FTO: variants seen among roughly 807,000 people sequenced by gnomAD.
The protein encoded by FTO is alpha-ketoglutarate-dependent dioxygenase FTO.
A neutral mutation model predicts 63.9 loss-of-function variants in FTO; 47 were observed. That is an observed-to-expected ratio of 0.74 (90% confidence interval 0.58 to 0.94). The LOEUF is 0.94. Ranked by LOEUF, FTO falls within the 40% of genes least tolerant of loss-of-function variation. The probability of loss-of-function intolerance (pLI) is 0.00; values close to 1 mark genes in which losing one functional copy is unlikely to be tolerated. For missense variants in FTO, 562 were observed against 618.1 expected, an observed-to-expected ratio of 0.91 and a Z score of 0.96; for synonymous variants, 207 against 224.4, an observed-to-expected ratio of 0.92 and a Z score of 0.69.
At chr16:53,712,241 A>G (rs1311378317) in intron 1 of FTO, among the ~76,000 whole-genome samples, 9 of 152,164 alleles carry the variant, frequency 5.9e-5, no homozygotes, top group Admixed American at 5.9e-4. Context: ...ATTATGGGCC[A>G]TTCTAGATTA....
chr16:53,761,880 T>C (rs2077080892), intron 1 of FTO, among the ~76,000 whole-genome samples: 1 of 152,218 alleles, frequency 6.6e-6, no homozygotes, highest in Non-Finnish European at 1.5e-5. Flanking sequence ...CTCAAATTTG[T>C]ATTACTTTAT....
chr16:53,866,311 A>G (rs887797491), intron 4 of FTO, among the ~76,000 whole-genome samples: 1 of 151,922 alleles, frequency 6.6e-6, no homozygotes, highest in African/African-American at 2.4e-5. Flanking sequence ...TTTGATGTGG[A>G]TTTTTGCATC....
intron 7 of FTO, among the ~76,000 whole-genome samples, chr16:53,920,751 G>T (rs7194336): frequency 0.56 from 85,382 of 151,846 alleles, 24,808 homozygotes; most frequent in East Asian, 0.85. Context: ...ATTGCTGGAT[G>T]AAGTGAGATA....
chr16:53,953,670 T>C (rs1210997236), intron 8 of FTO, among the ~76,000 whole-genome samples: 1 of 152,146 alleles, frequency 6.6e-6, no homozygotes, highest in Non-Finnish European at 1.5e-5. Flanking sequence ...AAAGCAATAA[T>C]ATAAACACGT....
At chr16:54,108,735 C>G (rs915665150) in intron 8 of FTO, among the ~76,000 whole-genome samples, 1 of 152,142 alleles carries the variant, frequency 6.6e-6, no homozygotes, top group Non-Finnish European at 1.5e-5. Flanking sequence ...CACATCAACC[C>G]CATAAGTAAG....
intron 5 of FTO, among the ~76,000 whole-genome samples, chr16:53,877,868 T>G (rs1331357529): frequency 6.6e-6 from 1 of 152,210 alleles, no homozygotes; most frequent in Non-Finnish European, 1.5e-5. Context: ...GTCATTAAAC[T>G]AGTTTTCCTA....
At chr16:53,979,948 T>C (rs537103688) in intron 8 of FTO, among the ~76,000 whole-genome samples, 1 of 152,304 alleles carries the variant, frequency 6.6e-6, no homozygotes, top group African/African-American at 2.4e-5. Flanking sequence ...CCAAAGCACA[T>C]TGGCTTATTC....
intron 8 of FTO, among the ~76,000 whole-genome samples, chr16:54,082,123 G>A (rs2086162452): frequency 6.6e-6 from 1 of 152,150 alleles, no homozygotes; most frequent in Admixed American, 6.5e-5. Flanking sequence ...TCATGAAGAT[G>A]TTATGAGGAC....
At chr16:53,731,140 G>C (rs1454776378) in intron 1 of FTO, among the ~76,000 whole-genome samples, 2 of 152,166 alleles carry the variant, frequency 1.3e-5, no homozygotes, top group African/African-American at 4.8e-5. Flanking sequence ...ATGTGAATTT[G>C]GGATCTAACT....
chr16:53,786,112 G>A (rs1377388617), intron 1 of FTO, among the ~76,000 whole-genome samples: 1 of 152,130 alleles, frequency 6.6e-6, no homozygotes, highest in Non-Finnish European at 1.5e-5. Context: ...GAGGCTGTTG[G>A]AGTGTGTTAG....
In FTO at chr16:53,806,908, G is replaced by A. The variant is rs531956585; in HGVS notation, c.46-3232G>A. On this transcript the variant is annotated intron_variant, in intron 1 of 8. Coordinates refer to ENST00000471389, the MANE Select transcript of FTO (RefSeq NM_001080432.3). ...CCCTCTCTAAGTATGGTTTTGTTTTGCCCTCCTGACAGCAGAGAATGAAAG... is the reference window on the plus strand; with the variant it reads ...CCCTCTCTAAGTATGGTTTTGTTTTACCCTCCTGACAGCAGAGAATGAAAG... Among the ~76,000 whole-genome samples the A allele has an allele frequency of 7.9e-5, 12 of 152,204 alleles. No individual in the cohort carries two copies. In the East Asian group the frequency reaches 2.1e-3, roughly 27 times the overall value.
At chr16:53,827,998 T>C (rs1308133756) in intron 3 of FTO, among the ~76,000 whole-genome samples, 2 of 152,234 alleles carry the variant, frequency 1.3e-5, no homozygotes, top group Non-Finnish European at 2.9e-5. Flanking sequence ...ATAGTCCTAT[T>C]GTACTCCCTT....
At chr16:53,822,394 A>T (rs1304036249) in intron 2 of FTO, among the ~76,000 whole-genome samples, 1 of 152,230 alleles carries the variant, frequency 6.6e-6, no homozygotes, top group African/African-American at 2.4e-5. Flanking sequence ...TTATCAGTAG[A>T]TAAGCACATA....
chr16:53,889,133 G>A (rs542316278), intron 7 of FTO, among the ~76,000 whole-genome samples, 182 bp downstream of exon 7: 2 of 152,320 alleles, frequency 1.3e-5, no homozygotes, highest in South Asian at 4.1e-4. Flanking sequence ...AGTTCAATAA[G>A]CATTTATTGA....
intron 7 of FTO, among the ~76,000 whole-genome samples, chr16:53,891,834 C>T (rs2081157527): frequency 6.6e-6 from 1 of 152,100 alleles, no homozygotes; most frequent in South Asian, 2.1e-4. Flanking sequence ...TTTTGTCGCT[C>T]TTGTATAAAA....
At chr16:53,942,277 T>C (rs2082548450) in intron 8 of FTO, among the ~76,000 whole-genome samples, 1 of 152,170 alleles carries the variant, frequency 6.6e-6, no homozygotes, top group African/African-American at 2.4e-5. Flanking sequence ...CCCAACATGG[T>C]ACCACAGGCC....
rs188763203 is a variant in FTO, at chr16:53,846,170, T to C, written c.895+1872T>C. On this transcript the variant is annotated intron_variant, in intron 4 of 8. Coordinates refer to ENST00000471389, the MANE Select transcript of FTO (RefSeq NM_001080432.3). ...TTTTCCTACTCTAAATGGGGCTATT[T>C]CAACCTGATCCCAATATACTGAAAT... 9.1e-3 allele frequency among the ~76,000 whole-genome samples: 1,387 copies of C among 152,190 alleles called. 17 individuals carry two copies. The highest frequency in any genetic ancestry group is 0.017 in the Non-Finnish European group (1,150 of 68,016).
intron 7 of FTO, chr16:53,911,196 A>G (rs1429963036): frequency 1.7e-6 from 1 of 578,782 alleles, no homozygotes; most frequent in Non-Finnish European, 3.1e-6. Context: ...CACTTAGCAC[A>G]TGGCAGGCAT....
At chr16:54,015,859 C>T (rs536328055) in intron 8 of FTO, among the ~76,000 whole-genome samples, 2 of 152,318 alleles carry the variant, frequency 1.3e-5, no homozygotes, top group Admixed American at 6.5e-5. Flanking sequence ...AAACAGGATT[C>T]GAACCCATGC....
Sources: allele counts gnomAD v4.1 joint callset (sites outside exome capture counted in the v4.1 genomes callset), GRCh38; gene constraint gnomAD v4.1.1; transcripts MANE v1.5; gene names NCBI Gene and HGNC (gene_info 2026-07-23, HGNC 2026-07-21).